NARS2: variants seen among roughly 807,000 people sequenced by gnomAD.
NARS2 encodes asparaginyl-tRNA synthetase 2, mitochondrial.
A neutral mutation model predicts 62.9 loss-of-function variants in NARS2; 60 were observed. That is an observed-to-expected ratio of 0.95 (90% CI 0.77 to 1.18). The LOEUF (loss-of-function observed/expected upper bound fraction) is 1.18. Ranked by LOEUF, NARS2 falls within the 50% of genes most tolerant of loss-of-function variation. The pLI is 0.00. For synonymous variants in NARS2, 196 were observed against 200.0 expected (o/e 0.98, Z 0.17); for missense variants, 619 against 576.4 (o/e 1.07, Z -0.76).
At chr11:78,569,758 A>G (rs528526495) in intron 2 of NARS2, among the ~76,000 whole-genome samples, 1 of 152,338 alleles carries the variant, frequency 6.6e-6, no homozygotes, top group East Asian at 1.9e-4. Flanking sequence ...TATGAATATA[A>G]GTATATCCTA....
intron 6 of NARS2, among the ~76,000 whole-genome samples, chr11:78,495,841 C>T (rs114038785): frequency 0.016 from 2,458 of 152,266 alleles, 57 homozygotes; most frequent in African/African-American, 0.056. Flanking sequence ...TAGTACAGTA[C>T]ATCTAAATAA....
chr11:78,508,557 C>A (rs1249892447), intron 6 of NARS2, among the ~76,000 whole-genome samples: 1 of 150,570 alleles, frequency 6.6e-6, no homozygotes, highest in Non-Finnish European at 1.5e-5. Flanking sequence ...ACACTGCACT[C>A]CAGCCAAGTG....
At chr11:78,568,120 G>A (rs533646178) in intron 3 of NARS2, among the ~76,000 whole-genome samples, 1 of 152,246 alleles carries the variant, frequency 6.6e-6, no homozygotes, top group African/African-American at 2.4e-5. Context: ...TCACCCAACA[G>A]AACTTTCTGT....
intron 4 of NARS2, among the ~76,000 whole-genome samples, chr11:78,564,896 A>C (rs1352850560): frequency 2.0e-5 from 3 of 152,188 alleles, no homozygotes; most frequent in Admixed American, 6.5e-5. Context: ...AATCTGAAGG[A>C]GCTTTTTCAA....
chr11:78,563,174 C>A (rs1198898220), intron 4 of NARS2, among the ~76,000 whole-genome samples: 1 of 151,054 alleles, frequency 6.6e-6, no homozygotes, highest in Non-Finnish European at 1.5e-5. Context: ...ACTACTCTAT[C>A]ACGAATGGTG....
chr11:78,444,723 A>AC (rs1335330362), intron 11 of NARS2, among the ~76,000 whole-genome samples: 30 of 144,760 alleles, frequency 2.1e-4, no homozygotes, highest in African/African-American at 7.5e-4. Context: ...TGTCTCAAAC[A>AC]AAACAAAAAA....
At chr11:78,536,684 G>A (rs1056456042) in intron 5 of NARS2, among the ~76,000 whole-genome samples, 3 of 152,034 alleles carry the variant, frequency 2.0e-5, no homozygotes, top group African/African-American at 7.2e-5. Context: ...AAAAGTTAGA[G>A]TACGCTAAGA....
intron 6 of NARS2, among the ~76,000 whole-genome samples, chr11:78,495,369 C>T (rs1472226388): frequency 6.6e-6 from 1 of 152,112 alleles, no homozygotes; most frequent in African/African-American, 2.4e-5. Flanking sequence ...ATTCATCCTT[C>T]AATACTTGGC....
In NARS2 at chr11:78,525,019, A is replaced by G. The variant is rs2135419535; in HGVS notation, c.689+3823T>C. On this transcript the variant is annotated intron_variant, in intron 6 of 13. Coordinates refer to ENST00000281038, the MANE Select transcript of NARS2 (RefSeq NM_024678.6). ...CCTGGAGGAACTTTAAATTCATATT[A>G]CTAAGCAAAAGAAGCCAATCTAAAA... Among the ~76,000 whole-genome samples the G allele has an allele frequency of 2.0e-5, 3 of 152,280 alleles. No individual in the cohort carries two copies. In the East Asian group the frequency reaches 5.8e-4, roughly 29 times the overall value.
intron 2 of NARS2, among the ~76,000 whole-genome samples, chr11:78,570,023 T>C (rs1401515958): frequency 6.6e-6 from 1 of 152,160 alleles, no homozygotes; most frequent in East Asian, 1.9e-4. Context: ...ATTCTGTCTC[T>C]ACTAAAAATA....
intron 5 of NARS2, among the ~76,000 whole-genome samples, chr11:78,551,579 G>C (rs540322184): frequency 3.3e-5 from 5 of 151,864 alleles, no homozygotes; most frequent in Admixed American, 2.6e-4. Flanking sequence ...GGCTGGGCGC[G>C]GTGGCTCATG....
At chr11:78,534,394 CACT>C (rs1467539040) in intron 5 of NARS2, among the ~76,000 whole-genome samples, 1 of 152,178 alleles carries the variant, frequency 6.6e-6, no homozygotes, top group Non-Finnish European at 1.5e-5. Context: ...ATGGTTCATA[CACT>C]ACTACCTTCA....
At chr11:78,564,579 T>C (rs1221673311) in intron 4 of NARS2, among the ~76,000 whole-genome samples, 1 of 152,194 alleles carries the variant, frequency 6.6e-6, no homozygotes, top group Non-Finnish European at 1.5e-5. Flanking sequence ...AATCAATGTA[T>C]AGTGTAGTCT....
chr11:78,483,560 T>C (rs879920911), intron 7 of NARS2, among the ~76,000 whole-genome samples: 3 of 152,154 alleles, frequency 2.0e-5, no homozygotes, highest in Admixed American at 6.5e-5. Context: ...ACAAAATCAA[T>C]GTGCAAAAAT....
chr11:78,481,012 G>T (rs1315612506), intron 7 of NARS2, among the ~76,000 whole-genome samples: 1 of 151,906 alleles, frequency 6.6e-6, no homozygotes, highest in African/African-American at 2.4e-5. Flanking sequence ...GTAGAGACAG[G>T]ATTTCACCAT....
At chr11:78,557,168 G>C (rs1209585902) in intron 5 of NARS2, among the ~76,000 whole-genome samples, 2 of 152,204 alleles carry the variant, frequency 1.3e-5, no homozygotes, top group Non-Finnish European at 2.9e-5. Flanking sequence ...TATTAGAAGT[G>C]CATGTTCTTA....
At chr11:78,489,745 C>G (rs1859736777) in intron 7 of NARS2, among the ~76,000 whole-genome samples, 1 of 152,058 alleles carries the variant, frequency 6.6e-6, no homozygotes, top group South Asian at 2.1e-4. Flanking sequence ...AATCCCACTC[C>G]TAGGAATTTA....
Position 78,508,532 on chromosome 11 carries a change from T to A in NARS2, c.690-15337A>T, listed in dbSNP as rs1000242489. On this transcript the variant is annotated intron_variant, in intron 6 of 13. Coordinates refer to ENST00000281038, the MANE Select transcript of NARS2 (RefSeq NM_024678.6). ...TGAACCCAAGAGGCAGAGGTTGCAG[T>A]GAGCTGAGATCATGACACTGCACTC... Among the ~76,000 whole-genome samples the A allele has an allele frequency of 7.3e-5, 11 of 150,234 alleles. No individual in the cohort carries two copies. The South Asian group carries it at 8.3e-4, about 11-fold the overall frequency.
chr11:78,502,722 G>A (rs1402244040), intron 6 of NARS2, among the ~76,000 whole-genome samples: 3 of 152,138 alleles, frequency 2.0e-5, no homozygotes, highest in East Asian at 3.9e-4. Flanking sequence ...CAGGCGCGGC[G>A]CCTCACGCCT....
Sources: allele counts gnomAD v4.1 joint callset (sites outside exome capture counted in the v4.1 genomes callset), GRCh38; gene constraint gnomAD v4.1.1; transcripts MANE v1.5; gene names NCBI Gene and HGNC (gene_info 2026-07-23, HGNC 2026-07-21).